The following RASEF variants were observed in gnomAD, a reference collection of about 807,000 sequenced individuals.
RASEF encodes RAS and EF-hand domain containing.
Under a neutral mutation model 90.1 loss-of-function variants are expected in RASEF, and 68 were observed. The observed-to-expected ratio is 0.75, with a 90% CI of 0.62 to 0.92. The LOEUF (loss-of-function observed/expected upper bound fraction) is 0.92. Among genes scored for constraint, RASEF ranks in the 40% least tolerant of loss-of-function variants. The probability of loss-of-function intolerance (pLI) is 0.00; values close to 1 mark genes in which losing one functional copy is unlikely to be tolerated. For missense variants in RASEF, 949 were observed against 937.2 expected, an observed-to-expected ratio of 1.01 and a Z score of -0.16; for synonymous variants, 331 against 345.2, an observed-to-expected ratio of 0.96 and a Z score of 0.46.
At chr9:83,157,190 C>T in the RASEF span, among the ~76,000 whole-genome samples, 10 of 152,138 alleles carry the variant, frequency 6.6e-5, no homozygotes, top group African/African-American at 1.4e-4. Context: ...CTGTGGGAAA[C>T]GTAAGTGATA....
In RASEF at chr9:83,015,856, C is replaced by T. The variant is rs776001663; in HGVS notation, c.714G>A (p.Gln238=). ...AEEALSDLRR[Q]YETEVGDLQV... Reference sequence around the variant, plus strand: ...GCAGATCTCCTACTTCAGTTTCATACTGACGTCTGAGGTCACTGAGGGCTT... The same window carrying T: ...GCAGATCTCCTACTTCAGTTTCATATTGACGTCTGAGGTCACTGAGGGCTT... Residue 238 remains glutamine, a synonymous_variant, in exon 4 of 17, where the codon CAG becomes CAA. Coordinates refer to ENST00000376447, the MANE Select transcript of RASEF (RefSeq NM_152573.4). 3 of 1,613,956 alleles carry T rather than the reference C, an allele frequency of 1.9e-6. No individual in the cohort carries two copies. Among genetic ancestry groups the T allele is most frequent in the African/African-American group, 1.3e-5 (1 of 74,920 alleles).
chr9:83,106,578 C>A, the RASEF span, among the ~76,000 whole-genome samples: 1 of 152,138 alleles, frequency 6.6e-6, no homozygotes, highest in Non-Finnish European at 1.5e-5. Flanking sequence ...AACAGCTTGA[C>A]CCTGGGCTCT....
At chr9:83,038,492 C>G (rs183142709) in intron 1 of RASEF, among the ~76,000 whole-genome samples, 1 of 152,022 alleles carries the variant, frequency 6.6e-6, no homozygotes, top group Non-Finnish European at 1.5e-5. Context: ...ATTAAGAATA[C>G]GACCACATTG....
the RASEF span, among the ~76,000 whole-genome samples, chr9:83,184,626 A>G: frequency 6.6e-6 from 1 of 151,760 alleles, no homozygotes; most frequent in African/African-American, 2.4e-5. Flanking sequence ...TTCAAGCCCT[A>G]TTTCATCCTG....
chr9:83,165,830 A>G, the RASEF span, among the ~76,000 whole-genome samples: 1 of 152,146 alleles, frequency 6.6e-6, no homozygotes, highest in African/African-American at 2.4e-5. Context: ...GGACATCACT[A>G]CAGGTTGCAT....
At chr9:83,013,297 T>C (rs747759273) in intron 4 of RASEF, among the ~76,000 whole-genome samples, 3 of 152,218 alleles carry the variant, frequency 2.0e-5, no homozygotes, top group Non-Finnish European at 4.4e-5. Flanking sequence ...ATTATTGGAA[T>C]GTTTATGCAC....
upstream of RASEF, among the ~76,000 whole-genome samples, chr9:83,066,681 T>A (rs1830284279): frequency 6.6e-6 from 1 of 152,184 alleles, no homozygotes; most frequent in Non-Finnish European, 1.5e-5. Context: ...TCAGAGATAA[T>A]CTTGTTAGAG....
At chr9:83,210,029 T>C in the RASEF span, among the ~76,000 whole-genome samples, 2 of 152,348 alleles carry the variant, frequency 1.3e-5, no homozygotes, top group East Asian at 3.9e-4. Flanking sequence ...TTATGCACTT[T>C]GACAAATAAT....
intron 14 of RASEF, among the ~76,000 whole-genome samples, 170 bp downstream of exon 14, chr9:82,996,842 G>A (rs1431037385): frequency 1.3e-5 from 2 of 152,170 alleles, no homozygotes; most frequent in Non-Finnish European, 2.9e-5. Flanking sequence ...CCCAAATCCT[G>A]AGGAAGAGAT....
the RASEF span, among the ~76,000 whole-genome samples, chr9:83,142,827 G>A: frequency 6.6e-6 from 1 of 152,128 alleles, no homozygotes; most frequent in Non-Finnish European, 1.5e-5. Flanking sequence ...AAGAATCAGT[G>A]GCTTTCATGC....
chr9:83,125,208 C>G, the RASEF span, among the ~76,000 whole-genome samples: 3 of 152,144 alleles, frequency 2.0e-5, no homozygotes, highest in Non-Finnish European at 4.4e-5. Flanking sequence ...CAGCTGGGCT[C>G]TCCTCCGCAC....
chr9:83,077,181 A>T, the RASEF span, among the ~76,000 whole-genome samples: 1 of 152,202 alleles, frequency 6.6e-6, no homozygotes, highest in East Asian at 1.9e-4. Context: ...AGCCAATGTC[A>T]GGCTTCCTCT....
chr9:83,143,659 G>A, the RASEF span, among the ~76,000 whole-genome samples: 1 of 152,146 alleles, frequency 6.6e-6, no homozygotes, highest in South Asian at 2.1e-4. Context: ...AAAAACAACA[G>A]ATGCTGGCAA....
intron 16 of RASEF, among the ~76,000 whole-genome samples, chr9:82,984,703 G>T (rs946414361): frequency 2.0e-5 from 3 of 152,098 alleles, no homozygotes; most frequent in Non-Finnish European, 4.4e-5. Flanking sequence ...TAATAAATTT[G>T]CATTATTTAA....
At chr9:82,990,264 C>A (rs1828788119) in intron 16 of RASEF, 127 bp downstream of exon 16, 1 of 617,700 alleles carries the variant, frequency 1.6e-6, no homozygotes, top group African/African-American at 1.9e-5. Flanking sequence ...ATATTTATTT[C>A]TCCCACCATG....
the RASEF span, among the ~76,000 whole-genome samples, chr9:83,158,863 A>G: frequency 6.6e-6 from 1 of 151,666 alleles, no homozygotes; most frequent in South Asian, 2.1e-4. Context: ...GTAGGTAAAT[A>G]AATTACAAAG....
At chr9:83,186,476 A>C in the RASEF span, among the ~76,000 whole-genome samples, 1 of 152,096 alleles carries the variant, frequency 6.6e-6, no homozygotes, top group African/African-American at 2.4e-5. Context: ...ATGACATTTA[A>C]GGGACTCCCT....
intron 15 of RASEF, 70 bp from the exon 16 acceptor site, chr9:82,990,537 A>T: frequency 8.9e-7 from 1 of 1,120,608 alleles, no homozygotes; most frequent in Non-Finnish European, 1.3e-6. Context: ...AGCTTTTAAA[A>T]TCAGTAAAAT....
the RASEF span, among the ~76,000 whole-genome samples, chr9:83,117,490 T>C: frequency 6.6e-6 from 1 of 152,212 alleles, no homozygotes; most frequent in African/African-American, 2.4e-5. Context: ...TTAAGGTTCT[T>C]TCTAGATGTT....
Sources: allele counts gnomAD v4.1 joint callset (sites outside exome capture counted in the v4.1 genomes callset), GRCh38; gene constraint gnomAD v4.1.1; transcripts MANE v1.5; gene names NCBI Gene and HGNC (gene_info 2026-07-23, HGNC 2026-07-21).